Variants in CBFA2T2 observed in about 807,000 individuals in gnomAD.
CBFA2T2 encodes the protein CBFA2/RUNX1 partner transcriptional co-repressor 2, also known as protein CBFA2T2.
Under a neutral mutation model 62.2 loss-of-function variants are expected in CBFA2T2, and 11 were observed. That is an observed-to-expected ratio of 0.18 (90% CI 0.11 to 0.29). CBFA2T2 has a LOEUF of 0.29. Ranked by LOEUF, CBFA2T2 falls within the 10% of genes least tolerant of loss-of-function variation. CBFA2T2 has a pLI of 1.00. For missense variants in CBFA2T2, 592 were observed against 774.1 expected (o/e 0.76, Z 2.79); for synonymous variants, 295 against 287.5 (o/e 1.03, Z -0.27).
Position 33,619,495 on chromosome 20 carries a change from A to G in CBFA2T2, c.421-22A>G, listed in dbSNP as rs759123138. 1.0e-5 allele frequency: 15 copies of G among 1,483,194 alleles called. No homozygotes were observed. The South Asian group carries it at 1.7e-4, about 17-fold the overall frequency. 91.9% of individuals were successfully genotyped at this position (1,483,194 alleles called of 1,614,324 possible). A position where few individuals can be genotyped will look rare whatever the true frequency, so the allele number is the denominator to read the frequency against. On this transcript the variant is annotated intron_variant, in intron 3 of 10. Transcript: ENST00000342704. ...TTGGAAGTCCAGTTTTGGAAGTTGA[A>G]CAAGGTTATTTATCTTTTCAGAACT...
At chr20:33,594,502 G>A (rs2014802824) in intron 1 of CBFA2T2, among the ~76,000 whole-genome samples, 1 of 152,058 alleles carries the variant, frequency 6.6e-6, no homozygotes, top group African/African-American at 2.4e-5. Flanking sequence ...TTACAGGTGT[G>A]AGCCACCGAG....
At chr20:33,538,291 A>T (rs2012321094) in intron 1 of CBFA2T2, among the ~76,000 whole-genome samples, 1 of 151,968 alleles carries the variant, frequency 6.6e-6, no homozygotes, top group Admixed American at 6.6e-5. Context: ...ATTTTTGTGT[A>T]TTGATCTTGT....
intron 1 of CBFA2T2, among the ~76,000 whole-genome samples, chr20:33,535,122 C>T (rs1276520360): frequency 6.6e-6 from 1 of 152,162 alleles, no homozygotes; most frequent in African/African-American, 2.4e-5. Context: ...ATGCACATGC[C>T]TCTTTAGGTA....
intron 5 of CBFA2T2, chr20:33,624,006 C>T (rs767341782): frequency 4.5e-5 from 25 of 560,450 alleles, no homozygotes; most frequent in Non-Finnish European, 7.3e-5. Flanking sequence ...GAAATACAAT[C>T]TGCCAAATGC....
chr20:33,556,485 G>C (rs953684862), intron 1 of CBFA2T2, among the ~76,000 whole-genome samples: 1 of 152,132 alleles, frequency 6.6e-6, no homozygotes, highest in African/African-American at 2.4e-5. Context: ...TATCCTCTTT[G>C]TGATTAATAA....
chr20:33,515,909 G>T (rs2011592868), intron 1 of CBFA2T2, among the ~76,000 whole-genome samples: 1 of 151,768 alleles, frequency 6.6e-6, no homozygotes, highest in South Asian at 2.1e-4. Context: ...TGTAATCCCA[G>T]CCCTTTGGGA....
chr20:33,527,362 C>A (rs2011916740), intron 1 of CBFA2T2, among the ~76,000 whole-genome samples: 1 of 139,108 alleles, frequency 7.2e-6, no homozygotes, highest in Admixed American at 7.9e-5. Flanking sequence ...CCACCAGGCC[C>A]GACTGATTTT....
chr20:33,539,305 CTG>C (rs2012347781), intron 1 of CBFA2T2, among the ~76,000 whole-genome samples: 1 of 152,156 alleles, frequency 6.6e-6, no homozygotes. Context: ...TGTGGGTAGT[CTG>C]TAAATATTTA....
At chr20:33,596,440 C>T (rs1222896884) in intron 1 of CBFA2T2, among the ~76,000 whole-genome samples, 1 of 152,194 alleles carries the variant, frequency 6.6e-6, no homozygotes, top group African/African-American at 2.4e-5. Context: ...AAACAGCTAG[C>T]ATGTATTCCT....
At chr20:33,496,872 G>T (rs2011205265) in intron 1 of CBFA2T2, among the ~76,000 whole-genome samples, 1 of 152,132 alleles carries the variant, frequency 6.6e-6, no homozygotes, top group South Asian at 2.1e-4. Context: ...CTACATCAAT[G>T]AGCTTCCTTC....
chr20:33,633,380 ATAAAT>A (rs762221888), intron 8 of CBFA2T2, among the ~76,000 whole-genome samples: 27 of 49,694 alleles, frequency 5.4e-4, no homozygotes, highest in East Asian at 1.7e-3. Context: ...CAAAAAAAAA[ATAAAT>A]AAATAAATAA....
intron 1 of CBFA2T2, among the ~76,000 whole-genome samples, chr20:33,566,127 G>A (rs1428711724): frequency 6.6e-6 from 1 of 152,156 alleles, no homozygotes; most frequent in Non-Finnish European, 1.5e-5. Flanking sequence ...AAGATAATGG[G>A]ATGGCAAATA....
chr20:33,496,208 C>A (rs770612044), intron 1 of CBFA2T2, among the ~76,000 whole-genome samples: 1 of 152,148 alleles, frequency 6.6e-6, no homozygotes, highest in Non-Finnish European at 1.5e-5. Flanking sequence ...AGTCTACTGG[C>A]TGAAGGTAGT....
intron 3 of CBFA2T2, among the ~76,000 whole-genome samples, chr20:33,614,571 C>T (rs751450019): frequency 2.0e-5 from 3 of 152,178 alleles, no homozygotes; most frequent in Admixed American, 6.5e-5. Context: ...ATTCCCCCCT[C>T]TCCCTAGACC....
At chr20:33,606,884 G>A (rs1256945576) in intron 1 of CBFA2T2, 72 bp from the exon 2 acceptor site, 1 of 1,451,102 alleles carries the variant, frequency 6.9e-7, no homozygotes, top group Non-Finnish European at 9.6e-7. Context: ...AAGTATGTTG[G>A]TATTTCAAAT....
intron 2 of CBFA2T2, among the ~76,000 whole-genome samples, chr20:33,610,590 G>A (rs933073120): frequency 6.6e-6 from 1 of 152,140 alleles, no homozygotes; most frequent in Non-Finnish European, 1.5e-5. Context: ...CTTATTGTAG[G>A]AATAAGTCAT....
At chr20:33,542,980 C>T (rs976172800) in intron 1 of CBFA2T2, among the ~76,000 whole-genome samples, 1 of 148,482 alleles carries the variant, frequency 6.7e-6, no homozygotes, top group Non-Finnish European at 1.5e-5. Context: ...CTTACTAATA[C>T]TTAATTTGTA....
chr20:33,600,758 G>A (rs1169915126), intron 1 of CBFA2T2, among the ~76,000 whole-genome samples: 2 of 152,024 alleles, frequency 1.3e-5, no homozygotes, highest in East Asian at 3.9e-4. Context: ...AGTACTGTAT[G>A]TCTGTCTTTC....
intron 1 of CBFA2T2, among the ~76,000 whole-genome samples, chr20:33,596,428 C>G (rs6057872): frequency 6.6e-6 from 1 of 152,144 alleles, no homozygotes. Context: ...TTATAATAAC[C>G]TAAACAGCTA....
Sources: allele counts gnomAD v4.1 joint callset (sites outside exome capture counted in the v4.1 genomes callset), GRCh38; gene constraint gnomAD v4.1.1; transcripts MANE v1.5; gene names NCBI Gene and HGNC (gene_info 2026-07-23, HGNC 2026-07-21).